The following B4GALT5 variants were observed in gnomAD, a reference collection of about 807,000 sequenced individuals.
B4GALT5 encodes beta-1,4-galactosyltransferase 5, also known as UDP-Gal:beta-GlcNAc beta-1,4-galactosyltransferase 5.
Under a neutral mutation model 45.0 loss-of-function variants are expected in B4GALT5, and 11 were observed. That is an observed-to-expected ratio of 0.24 (90% CI 0.15 to 0.40). The LOEUF is 0.40. Ranked by LOEUF, B4GALT5 falls within the 10% of genes least tolerant of loss-of-function variation. The pLI is 1.00. For synonymous variants in B4GALT5, 185 were observed against 182.9 expected (o/e 1.01, Z -0.09); for missense variants, 337 against 500.2 (o/e 0.67, Z 3.11).
At chr20:49,651,145 G>A (rs2085620870) in intron 2 of B4GALT5, among the ~76,000 whole-genome samples, 1 of 152,020 alleles carries the variant, frequency 6.6e-6, no homozygotes. Context: ...AATTAGCCAG[G>A]CACGGTGGCA....
chr20:49,677,837 C>A (rs1304521287), intron 1 of B4GALT5, among the ~76,000 whole-genome samples: 4 of 152,210 alleles, frequency 2.6e-5, no homozygotes, highest in Non-Finnish European at 5.9e-5. Flanking sequence ...TCTCCGCCTC[C>A]CAAGTTGAAG....
At chr20:49,643,736 A>G (rs971753854) in intron 3 of B4GALT5, 86 bp from the exon 4 acceptor site, 10 of 1,429,370 alleles carry the variant, frequency 7.0e-6, no homozygotes, top group Non-Finnish European at 9.4e-6. Flanking sequence ...GGAGAGCGCA[A>G]TGCTTTTTCA....
At chr20:49,642,389 C>T (rs560032939) in intron 5 of B4GALT5, 79 bp downstream of exon 5, 5 of 1,086,800 alleles carry the variant, frequency 4.6e-6, no homozygotes, top group Middle Eastern at 2.1e-4. Flanking sequence ...GCTCTTCACA[C>T]CAACAGTGGA....
At chr20:49,646,739 G>A (rs1352135253) in intron 3 of B4GALT5, among the ~76,000 whole-genome samples, 2 of 152,174 alleles carry the variant, frequency 1.3e-5, no homozygotes, top group Non-Finnish European at 2.9e-5. Flanking sequence ...ACAGGCAAGG[G>A]CAAAGGGAAG....
At chr20:49,661,340 T>C (rs2085664106) in intron 1 of B4GALT5, among the ~76,000 whole-genome samples, 1 of 152,184 alleles carries the variant, frequency 6.6e-6, no homozygotes, top group Non-Finnish European at 1.5e-5. Flanking sequence ...GTTCAAGCGA[T>C]TCTTCTGCCT....
chr20:49,678,915 G>T (rs776479893), intron 1 of B4GALT5, among the ~76,000 whole-genome samples: 2 of 151,962 alleles, frequency 1.3e-5, no homozygotes, highest in African/African-American at 4.8e-5. Context: ...GAATCCCCAG[G>T]GTTCCTGGAG....
chr20:49,638,955 A>T (rs943316416), intron 7 of B4GALT5, among the ~76,000 whole-genome samples: 1 of 152,236 alleles, frequency 6.6e-6, no homozygotes, highest in East Asian at 1.9e-4. Flanking sequence ...ATATAAAAAC[A>T]GTAACACCTA....
intron 8 of B4GALT5, among the ~76,000 whole-genome samples, chr20:49,636,772 G>A (rs1432848155): frequency 6.6e-6 from 1 of 152,162 alleles, no homozygotes; most frequent in Admixed American, 6.5e-5. Flanking sequence ...GGGGAAGTGG[G>A]AGGTAAAGCA....
intron 8 of B4GALT5, 85 bp downstream of exon 8, chr20:49,637,256 G>A: frequency 8.2e-7 from 1 of 1,215,460 alleles, no homozygotes. Context: ...TGGGGAGTAG[G>A]AGAAGGGGCT....
intron 1 of B4GALT5, among the ~76,000 whole-genome samples, chr20:49,661,746 T>C (rs932470695): frequency 1.3e-5 from 2 of 152,192 alleles, no homozygotes; most frequent in African/African-American, 2.4e-5. Flanking sequence ...CAACGCTGAA[T>C]AGATGAGTAA....
chr20:49,713,462 G>C (rs1199182195), intron 1 of B4GALT5, 114 bp downstream of exon 1: 2 of 1,077,388 alleles, frequency 1.9e-6, no homozygotes, highest in Admixed American at 2.4e-5. Flanking sequence ...GGAGTCTTCG[G>C]AGGACCAGGC....
At chr20:49,710,632 CTGGACT>C (rs2085905055) in intron 1 of B4GALT5, among the ~76,000 whole-genome samples, 1 of 152,016 alleles carries the variant, frequency 6.6e-6, no homozygotes, top group Non-Finnish European at 1.5e-5. Context: ...CTTGGATAGG[CTGGACT>C]TGAACTCCTG....
At chr20:49,658,390 T>C (rs1235495113) in intron 1 of B4GALT5, among the ~76,000 whole-genome samples, 1 of 152,216 alleles carries the variant, frequency 6.6e-6, no homozygotes, top group Non-Finnish European at 1.5e-5. Flanking sequence ...TCCTGTGTTG[T>C]TGTTGTTGTT....
At chr20:49,711,378 G>A (rs1252569718) in intron 1 of B4GALT5, among the ~76,000 whole-genome samples, 1 of 152,166 alleles carries the variant, frequency 6.6e-6, no homozygotes, top group Non-Finnish European at 1.5e-5. Flanking sequence ...TTCCATTTCT[G>A]TTGAAGAATC....
At chr20:49,641,845 T>C (rs1292372106) in intron 5 of B4GALT5, among the ~76,000 whole-genome samples, 1 of 151,988 alleles carries the variant, frequency 6.6e-6, no homozygotes, top group Non-Finnish European at 1.5e-5. Context: ...GCCAAGTCAG[T>C]AATGTAAACA....
In B4GALT5 at chr20:49,642,634, C is replaced by T. The variant is rs1407471910; in HGVS notation, c.490-50G>A. 7.5e-6 allele frequency: 10 copies of T among 1,340,388 alleles called. 1 individual carries two copies. The highest frequency in any genetic ancestry group is 3.7e-5 in the South Asian group (3 of 81,882). The allele number at this position is 1,340,388 out of a possible 1,614,324, so 83.0% of individuals were successfully genotyped here. ...GCACAGTTAGGACTCTCAGCTTTCA[C>T]TCCTTAGCAGGACACCCCTGATGAA... On this transcript the variant is annotated intron_variant, in intron 4 of 8. Coordinates refer to ENST00000371711, the MANE Select transcript of B4GALT5 (RefSeq NM_004776.4).
At position 49,695,427 on chromosome 20, in the gene B4GALT5, T is replaced by G. The variant is rs1295735976; in HGVS notation, c.115+18149A>C. ...TCTGTTGTGGTTTATTTTTTTTTTT[T>G]TTTGAGGTGGAGTCTTGCTCTGTCG... is the stretch of plus-strand genomic sequence containing the variant. On this transcript the variant is annotated intron_variant, in intron 1 of 8. Transcript: ENST00000371711. Among the ~76,000 whole-genome samples, 9 of 152,130 alleles carry G rather than the reference T, an allele frequency of 5.9e-5. No homozygotes were observed. The East Asian group carries it at 1.5e-3, about 26-fold the overall frequency.
chr20:49,637,164 G>T (rs2085557657), intron 8 of B4GALT5, among the ~76,000 whole-genome samples, 177 bp downstream of exon 8: 1 of 152,154 alleles, frequency 6.6e-6, no homozygotes, highest in Admixed American at 6.5e-5. Context: ...GTTCACCAAC[G>T]GTCTGATCCC....
At chr20:49,652,476 G>A (rs539681805) in intron 2 of B4GALT5, among the ~76,000 whole-genome samples, 105 of 151,456 alleles carry the variant, frequency 6.9e-4, no homozygotes, top group Middle Eastern at 3.4e-3. Flanking sequence ...TCCATTAAAG[G>A]ATGACTACCT....
Sources: gnomAD v4.1 joint callset for allele counts (sites outside exome capture counted in the v4.1 genomes callset) on GRCh38, gnomAD v4.1.1 for gene constraint, MANE v1.5 for transcripts, NCBI Gene and HGNC (gene_info 2026-07-23, HGNC 2026-07-21) for gene names.